The following CNBD1 variants were observed in gnomAD, a reference collection of about 807,000 sequenced individuals.
The protein encoded by CNBD1 is cyclic nucleotide-binding domain-containing protein 1.
A neutral mutation model predicts 54.4 loss-of-function variants in CNBD1; 71 were observed. The observed-to-expected ratio is 1.30, with a 90% CI of 1.08 to 1.59. CNBD1 has a LOEUF of 1.59. Among genes scored for constraint, CNBD1 ranks in the 40% most tolerant of loss-of-function variants. The pLI is 0.00. For synonymous variants in CNBD1, 182 were observed against 170.7 expected (o/e 1.07, Z -0.51); for missense variants, 659 against 518.0 (o/e 1.27, Z -2.64).
chr8:87,180,053 GA>G (rs922300165), intron 4 of CNBD1, among the ~76,000 whole-genome samples: 47 of 152,218 alleles, frequency 3.1e-4, no homozygotes, highest in Middle Eastern at 3.4e-3. Flanking sequence ...CGGTATAAAA[GA>G]GTTCAAAGAA....
chr8:87,102,324 C>A (rs1811445439), intron 4 of CNBD1, among the ~76,000 whole-genome samples: 1 of 152,072 alleles, frequency 6.6e-6, no homozygotes, highest in Non-Finnish European at 1.5e-5. Flanking sequence ...AGAAGGAAGG[C>A]AGTTTACATG....
intron 10 of CNBD1, among the ~76,000 whole-genome samples, chr8:87,379,116 T>C (rs918938590): frequency 6.6e-6 from 1 of 151,636 alleles, no homozygotes; most frequent in Non-Finnish European, 1.5e-5. Flanking sequence ...ACAATTTGAC[T>C]TCCTCTTTTC....
chr8:87,424,652 G>A (rs1033325270), intron 2 of CNBD1, among the ~76,000 whole-genome samples: 3 of 151,340 alleles, frequency 2.0e-5, no homozygotes, highest in African/African-American at 7.3e-5. Flanking sequence ...CCCTACAGAA[G>A]CTCTCTTCTG....
intron 4 of CNBD1, among the ~76,000 whole-genome samples, chr8:87,196,170 C>CTAAG (rs1813719200): frequency 6.6e-6 from 1 of 152,062 alleles, no homozygotes; most frequent in South Asian, 2.1e-4. Context: ...TACTAAGAGC[C>CTAAG]TAAGCCCTTA....
chr8:86,899,539 T>C (rs1441140974), intron 2 of CNBD1, among the ~76,000 whole-genome samples: 1 of 152,194 alleles, frequency 6.6e-6, no homozygotes, highest in Non-Finnish European at 1.5e-5. Flanking sequence ...TGGCTATTCC[T>C]GATATTCTCT....
chr8:86,868,775 A>G (rs928688638), intron 1 of CNBD1, among the ~76,000 whole-genome samples: 10 of 152,200 alleles, frequency 6.6e-5, no homozygotes, highest in African/African-American at 2.4e-4. Context: ...AGTGATATCC[A>G]TGCCTTAATT....
chr8:87,136,295 A>G (rs1201435513), intron 4 of CNBD1, among the ~76,000 whole-genome samples: 1 of 151,490 alleles, frequency 6.6e-6, no homozygotes, highest in East Asian at 1.9e-4. Context: ...AGAAGTAATC[A>G]TAATTTAATT....
intron 2 of CNBD1, among the ~76,000 whole-genome samples, chr8:87,418,976 A>T (rs115110141): frequency 4.6e-5 from 7 of 151,936 alleles, no homozygotes; most frequent in African/African-American, 1.7e-4. Flanking sequence ...AATTGAAAAC[A>T]TATGTCTGCA....
intron 3 of CNBD1, among the ~76,000 whole-genome samples, chr8:86,913,732 C>T (rs952699302): frequency 2.6e-5 from 4 of 152,190 alleles, no homozygotes; most frequent in South Asian, 2.1e-4. Context: ...CCGCTGTGCA[C>T]GCATTGTCAG....
chr8:87,031,676 C>G (rs939206314), intron 4 of CNBD1, among the ~76,000 whole-genome samples: 4 of 152,270 alleles, frequency 2.6e-5, no homozygotes, highest in South Asian at 4.1e-4. Context: ...TTAATACACT[C>G]TTAAATCTCA....
At chr8:87,302,442 T>A (rs1809026084) in intron 8 of CNBD1, among the ~76,000 whole-genome samples, 2 of 132,928 alleles carry the variant, frequency 1.5e-5, no homozygotes, top group South Asian at 4.4e-4. Context: ...TCAACAACCC[T>A]TCATGCTAAA....
chr8:86,935,881 T>A (rs1020290200), intron 3 of CNBD1, among the ~76,000 whole-genome samples: 1 of 136,888 alleles, frequency 7.3e-6, no homozygotes, highest in Non-Finnish European at 1.7e-5. Flanking sequence ...TAGTGACTCA[T>A]GCCTGTAATC....
chr8:87,215,587 CAA>C (rs548146567), intron 5 of CNBD1, among the ~76,000 whole-genome samples: 29 of 63,548 alleles, frequency 4.6e-4, no homozygotes, highest in African/African-American at 7.4e-4. Flanking sequence ...GACTCCTTCT[CAA>C]AAAAAAAAAA....
At chr8:86,886,629 A>G (rs1808684135) in intron 1 of CNBD1, among the ~76,000 whole-genome samples, 1 of 152,208 alleles carries the variant, frequency 6.6e-6, no homozygotes, top group Non-Finnish European at 1.5e-5. Context: ...ATGATTCAGA[A>G]AACTAGAAGT....
intron 8 of CNBD1, among the ~76,000 whole-genome samples, chr8:87,294,590 C>T (rs1808844941): frequency 2.6e-5 from 4 of 152,180 alleles, no homozygotes; most frequent in Non-Finnish European, 4.4e-5. Flanking sequence ...TTTTCCTACC[C>T]AGAGCCCAAG....
intron 5 of CNBD1, among the ~76,000 whole-genome samples, chr8:87,224,622 A>G (rs1814433912): frequency 6.6e-6 from 1 of 151,728 alleles, no homozygotes; most frequent in South Asian, 2.1e-4. Flanking sequence ...AGGTACCAGT[A>G]CCATGCTGTT....
At chr8:87,303,266 A>G (rs1323396083) in intron 8 of CNBD1, among the ~76,000 whole-genome samples, 4 of 151,802 alleles carry the variant, frequency 2.6e-5, no homozygotes, top group Non-Finnish European at 5.9e-5. Context: ...CCAAAACAGC[A>G]TGGTACTGGT....
intron 2 of CNBD1, among the ~76,000 whole-genome samples, chr8:86,889,174 A>G (rs1808728753): frequency 1.3e-5 from 2 of 152,316 alleles, no homozygotes; most frequent in African/African-American, 4.8e-5. Flanking sequence ...AGGTATGTGT[A>G]TATAGGTTTT....
At chr8:86,966,168 A>T (rs921157893) in intron 4 of CNBD1, among the ~76,000 whole-genome samples, 4 of 151,946 alleles carry the variant, frequency 2.6e-5, no homozygotes, top group African/African-American at 9.7e-5. Context: ...AGCCTTCGGG[A>T]CCTCCTTGGC....
Sources: gnomAD v4.1 joint callset for allele counts (sites outside exome capture counted in the v4.1 genomes callset) on GRCh38, gnomAD v4.1.1 for gene constraint, MANE v1.5 for transcripts, NCBI Gene and HGNC (gene_info 2026-07-23, HGNC 2026-07-21) for gene names.